RFX3: variants seen among roughly 807,000 people sequenced by gnomAD.
RFX3 encodes the protein transcription factor RFX3.
Under a neutral mutation model 98.6 loss-of-function variants are expected in RFX3, and 14 were observed. The ratio of observed to expected loss-of-function variants is 0.14; its 90% CI spans 0.09 to 0.22. The LOEUF (loss-of-function observed/expected upper bound fraction) is 0.22, where lower values mean the gene tolerates loss of function less well. Ranked by LOEUF, RFX3 falls within the 10% of genes least tolerant of loss-of-function variation. The probability of loss-of-function intolerance (pLI) is 1.00; values close to 1 mark genes in which losing one functional copy is unlikely to be tolerated. For synonymous variants in RFX3, 383 were observed against 328.4 expected, an observed-to-expected ratio of 1.17 and a Z score of -1.80; for missense variants, 639 against 926.9, an observed-to-expected ratio of 0.69 and a Z score of 4.03.
At chr9:3,309,676 A>G (rs1406213167) in intron 4 of RFX3, among the ~76,000 whole-genome samples, 1 of 152,184 alleles carries the variant, frequency 6.6e-6, no homozygotes, top group Non-Finnish European at 1.5e-5. Flanking sequence ...ACATTTTTTC[A>G]AAGGCAATAC....
At chr9:3,348,726 C>T (rs376893827) in intron 2 of RFX3, among the ~76,000 whole-genome samples, 9 of 152,040 alleles carry the variant, frequency 5.9e-5, no homozygotes, top group South Asian at 2.1e-4. Context: ...TGTATCCTTA[C>T]GATTCTCAGC....
intron 9 of RFX3, among the ~76,000 whole-genome samples, chr9:3,273,698 T>C (rs930765196): frequency 2.0e-5 from 3 of 151,944 alleles, no homozygotes; most frequent in Admixed American, 6.6e-5. Flanking sequence ...ACCCCATCTT[T>C]ACTGAAAATA....
chr9:3,493,753 G>T (rs1301691307), intron 1 of RFX3, among the ~76,000 whole-genome samples: 1 of 143,740 alleles, frequency 7.0e-6, no homozygotes, highest in East Asian at 2.0e-4. Context: ...ACACTGGCTG[G>T]TTATCCTATA....
chr9:3,473,637 T>G (rs1169024759), intron 1 of RFX3, among the ~76,000 whole-genome samples: 1 of 152,302 alleles, frequency 6.6e-6, no homozygotes, highest in Non-Finnish European at 1.5e-5. Context: ...ACTCACAGCC[T>G]GCAGGAGTCT....
intron 11 of RFX3, among the ~76,000 whole-genome samples, chr9:3,268,432 G>T (rs1168537810): frequency 6.6e-6 from 1 of 151,658 alleles, no homozygotes; most frequent in Non-Finnish European, 1.5e-5. Flanking sequence ...TTCCAAAGCT[G>T]ACTTGTCTCA....
intron 4 of RFX3, among the ~76,000 whole-genome samples, chr9:3,329,812 A>G (rs1832380242): frequency 6.6e-6 from 1 of 152,214 alleles, no homozygotes; most frequent in African/African-American, 2.4e-5. Context: ...CTTACATAAT[A>G]TAACTTCTCT....
chr9:3,225,667 C>T (rs1028132702), intron 16 of RFX3, among the ~76,000 whole-genome samples: 11 of 151,898 alleles, frequency 7.2e-5, no homozygotes, highest in Admixed American at 1.3e-4. Context: ...AAAACGCAAA[C>T]ACAAAAAAAG....
At chr9:3,504,849 T>A (rs865895961) in intron 1 of RFX3, among the ~76,000 whole-genome samples, 569 of 28,816 alleles carry the variant, frequency 0.02, 13 homozygotes, top group Middle Eastern at 0.045. Flanking sequence ...AATATATATA[T>A]TATATATGAT....
At chr9:3,501,319 T>A (rs1287010593) in intron 1 of RFX3, among the ~76,000 whole-genome samples, 2 of 152,046 alleles carry the variant, frequency 1.3e-5, no homozygotes, top group African/African-American at 4.8e-5. Flanking sequence ...TGTAAATTCT[T>A]TGATATATAA....
At chr9:3,504,964 TAA>T in intron 1 of RFX3, among the ~76,000 whole-genome samples, 1 of 80,210 alleles carries the variant, frequency 1.2e-5, no homozygotes, top group Non-Finnish European at 2.1e-5. Flanking sequence ...ATATTATATA[TAA>T]TATATATTAT....
At chr9:3,233,633 C>A (rs527873655) in intron 15 of RFX3, among the ~76,000 whole-genome samples, 6 of 152,236 alleles carry the variant, frequency 3.9e-5, no homozygotes, top group African/African-American at 1.4e-4. Flanking sequence ...ACCTTCCCTG[C>A]TGGAAGAGTT....
chr9:3,407,944 T>C (rs1842105512), intron 1 of RFX3, among the ~76,000 whole-genome samples: 1 of 152,124 alleles, frequency 6.6e-6, no homozygotes, highest in African/African-American at 2.4e-5. Context: ...ATGTTAAAAA[T>C]CAATGTGCCA....
At chr9:3,525,340 A>G (rs1819157845) in intron 1 of RFX3, among the ~76,000 whole-genome samples, 1 of 152,228 alleles carries the variant, frequency 6.6e-6, no homozygotes, top group Admixed American at 6.5e-5. Flanking sequence ...GAAGAAAATT[A>G]AAGAAAGAAC....
chr9:3,492,612 G>A (rs1369775756), intron 1 of RFX3, among the ~76,000 whole-genome samples: 1 of 152,206 alleles, frequency 6.6e-6, no homozygotes, highest in Non-Finnish European at 1.5e-5. Flanking sequence ...CAGATAGCTT[G>A]CAAGGGGTGG....
In RFX3 at chr9:3,502,275, A is replaced by G. The variant is rs913759073; in HGVS notation, c.-9+23472T>C. Among the ~76,000 whole-genome samples the G allele has an allele frequency of 3.3e-5, 5 of 151,840 alleles. No homozygotes were observed. The South Asian group carries it at 8.3e-4, about 25-fold the overall frequency. The stretch of plus-strand genomic sequence containing the variant: ...TCTGTCTCAAAAGAAAAAAAAAAAA[A>G]TCACTTTCACTTTTTAACTACTACC... On this transcript the variant is annotated intron_variant, in intron 1 of 16. Transcript: ENST00000617270.
intron 12 of RFX3, among the ~76,000 whole-genome samples, chr9:3,265,171 G>C (rs372013189): frequency 8.5e-5 from 13 of 152,264 alleles, no homozygotes; most frequent in African/African-American, 3.1e-4. Context: ...AGGCTACTGA[G>C]CACTCAAAAT....
intron 2 of RFX3, among the ~76,000 whole-genome samples, chr9:3,368,596 C>A (rs911021672): frequency 2.0e-5 from 3 of 152,162 alleles, no homozygotes; most frequent in Non-Finnish European, 4.4e-5. Flanking sequence ...AACTGATTTT[C>A]TTTGACATCT....
At chr9:3,524,495 C>G (rs1819015617) in intron 1 of RFX3, 3 of 980,442 alleles carry the variant, frequency 3.1e-6, no homozygotes, top group South Asian at 9.4e-5. Flanking sequence ...AAGTTGAGAA[C>G]CTTCATACAT....
intron 2 of RFX3, among the ~76,000 whole-genome samples, chr9:3,392,153 C>A (rs1485992702): frequency 2.6e-5 from 4 of 152,136 alleles, no homozygotes; most frequent in African/African-American, 9.7e-5. Context: ...CAACAAGACT[C>A]ACTCATGCAT....
Sources: gnomAD v4.1 joint callset for allele counts (sites outside exome capture counted in the v4.1 genomes callset) on GRCh38, gnomAD v4.1.1 for gene constraint, MANE v1.5 for transcripts, NCBI Gene and HGNC (gene_info 2026-07-23, HGNC 2026-07-21) for gene names.